Variants in RASEF observed in about 807,000 individuals in gnomAD.
The protein encoded by RASEF is ras and EF-hand domain-containing protein.
A neutral mutation model predicts 90.1 loss-of-function variants in RASEF; 68 were observed. The observed-to-expected ratio is 0.75, with a 90% CI of 0.62 to 0.92. The LOEUF is 0.92. RASEF is among the 40% of genes least tolerant of loss of function. RASEF has a pLI of 0.00. For synonymous variants in RASEF, 331 were observed against 345.2 expected, an observed-to-expected ratio of 0.96 and a Z score of 0.46; for missense variants, 949 against 937.2, an observed-to-expected ratio of 1.01 and a Z score of -0.16.
chr9:83,025,059 GC>G, intron 2 of RASEF, among the ~76,000 whole-genome samples: 1 of 152,312 alleles, frequency 6.6e-6, no homozygotes, highest in Non-Finnish European at 1.5e-5. Context: ...TTTCCAGGGG[GC>G]AAAGAGGCTG....
At chr9:83,067,368 G>A (rs147393974), upstream of RASEF, among the ~76,000 whole-genome samples, 316 of 152,256 alleles carry the variant, frequency 2.1e-3, 1 homozygote, top group South Asian at 7.1e-3. Context: ...TAGATTTTGC[G>A]AAAAGGAATG....
the RASEF span, among the ~76,000 whole-genome samples, chr9:83,111,563 T>C: frequency 6.6e-6 from 1 of 152,178 alleles, no homozygotes; most frequent in Non-Finnish European, 1.5e-5. Context: ...ATTGTGGTAA[T>C]TATTTCATAA....
At chr9:83,098,721 A>T in the RASEF span, among the ~76,000 whole-genome samples, 1 of 152,338 alleles carries the variant, frequency 6.6e-6, no homozygotes, top group African/African-American at 2.4e-5. Context: ...GTCACATCTT[A>T]CATGGCAGCA....
intron 9 of RASEF, among the ~76,000 whole-genome samples, chr9:83,003,197 T>A (rs772634463): frequency 8.5e-5 from 13 of 152,148 alleles, no homozygotes; most frequent in Non-Finnish European, 1.9e-4. Context: ...TAAAATGTTA[T>A]CTTCTTATGT....
At chr9:83,026,065 C>G in intron 1 of RASEF, 144 bp from the exon 2 acceptor site, 1 of 635,916 alleles carries the variant, frequency 1.6e-6, no homozygotes, top group Non-Finnish European at 2.6e-6. Context: ...GAAGGGAAGA[C>G]AGCAGTCAGG....
At chr9:83,193,753 T>C in the RASEF span, among the ~76,000 whole-genome samples, 2 of 152,138 alleles carry the variant, frequency 1.3e-5, no homozygotes, top group African/African-American at 4.8e-5. Flanking sequence ...AGGCAATAAA[T>C]GACTGAAGAC....
rs779409903 is a variant in RASEF, at chr9:83,062,562, G to C, written c.306C>G (p.Ser102Arg). 1.2e-5 allele frequency: 19 copies of C among 1,595,748 alleles called. No individual in the cohort carries two copies. In the African/African-American group the frequency reaches 2.3e-4, roughly 19 times the overall value. Residue 102 changes from serine to arginine, a missense_variant, in exon 1 of 17, where the codon AGC (serine) becomes AGG (arginine). Ser to Arg is a moderately radical substitution (Grantham distance 110). Coordinates refer to ENST00000376447, the MANE Select transcript of RASEF (RefSeq NM_152573.4). ...VSEAGPETHD[S>R]EEDEGDEDAA... ...CGTCCTCGTCGCCTTCGTCCTCCTC[G>C]CTGTCGTGTGTCTCCGGCCCCGCCT...
chr9:83,187,079 G>C, the RASEF span, among the ~76,000 whole-genome samples: 1 of 152,048 alleles, frequency 6.6e-6, no homozygotes, highest in Non-Finnish European at 1.5e-5. Context: ...ATAGCTTAGA[G>C]CCCCTCAGAT....
In RASEF at chr9:83,044,748, C is replaced by CT. The variant is rs562131191; in HGVS notation, c.431+17688dup. Among the ~76,000 whole-genome samples the CT allele has an allele frequency of 3.5e-3, 534 of 152,310 alleles. 5 individuals are homozygous for CT. The highest frequency in any genetic ancestry group is 0.012 in the African/African-American group (515 of 41,560). On this transcript the variant is annotated intron_variant, in intron 1 of 16. Coordinates refer to ENST00000376447, the MANE Select transcript of RASEF (RefSeq NM_152573.4). ...TGATGGTGAATTTTATTTATGTCAACTTGTCTAGGCCACGGTAGCCAGATA... is the reference window on the plus strand; with the variant it reads ...TGATGGTGAATTTTATTTATGTCAACTTTGTCTAGGCCACGGTAGCCAGATA...
chr9:83,172,142 CTT>C, the RASEF span, among the ~76,000 whole-genome samples: 1 of 151,496 alleles, frequency 6.6e-6, no homozygotes, highest in African/African-American at 2.4e-5. Flanking sequence ...ATTTTTATTT[CTT>C]TTTTAATTTC....
the RASEF span, among the ~76,000 whole-genome samples, chr9:83,159,910 C>T: frequency 6.6e-6 from 1 of 152,160 alleles, no homozygotes; most frequent in Non-Finnish European, 1.5e-5. Flanking sequence ...GTGAGTCTTA[C>T]AAGGTCTGAT....
At chr9:83,074,896 C>T in the RASEF span, among the ~76,000 whole-genome samples, 32 of 152,154 alleles carry the variant, frequency 2.1e-4, no homozygotes, top group Non-Finnish European at 4.0e-4. Context: ...TTTTTTAAAA[C>T]AACATAGTAA....
chr9:83,024,364 C>T (rs950090870), intron 2 of RASEF, among the ~76,000 whole-genome samples: 58 of 152,168 alleles, frequency 3.8e-4, no homozygotes, highest in African/African-American at 1.4e-3. Flanking sequence ...ATGGTATTAT[C>T]TTTAGATGGG....
intron 4 of RASEF, among the ~76,000 whole-genome samples, chr9:83,012,837 T>C (rs1323976864): frequency 6.6e-6 from 1 of 152,262 alleles, no homozygotes; most frequent in Non-Finnish European, 1.5e-5. Flanking sequence ...TGGATCTTTT[T>C]ATTCTCCTTC....
At chr9:83,134,417 C>G in the RASEF span, among the ~76,000 whole-genome samples, 1 of 147,082 alleles carries the variant, frequency 6.8e-6, no homozygotes, top group Non-Finnish European at 1.5e-5. Flanking sequence ...AGCGCACACA[C>G]ACACACACAC....
the RASEF span, among the ~76,000 whole-genome samples, chr9:83,075,189 T>C: frequency 9.9e-4 from 151 of 152,284 alleles, no homozygotes; most frequent in Admixed American, 2.0e-3. Context: ...TGCCTTACCT[T>C]CCAGCAAATT....
intron 1 of RASEF, chr9:83,048,765 T>C: frequency 1.0e-6 from 1 of 981,084 alleles, no homozygotes; most frequent in Non-Finnish European, 1.2e-6. Flanking sequence ...TTCCGTCCTA[T>C]ATAGTTCTTG....
the RASEF span, among the ~76,000 whole-genome samples, chr9:83,130,385 T>G: frequency 6.6e-6 from 1 of 152,274 alleles, no homozygotes; most frequent in East Asian, 1.9e-4. Flanking sequence ...GAACTGCACA[T>G]ATGTTAAAAG....
At chr9:83,117,651 T>A in the RASEF span, among the ~76,000 whole-genome samples, 1 of 152,318 alleles carries the variant, frequency 6.6e-6, no homozygotes, top group East Asian at 1.9e-4. Flanking sequence ...CCTGTATGTG[T>A]AGAGTGACTT....
Sources: allele counts gnomAD v4.1 joint callset (sites outside exome capture counted in the v4.1 genomes callset), GRCh38; gene constraint gnomAD v4.1.1; transcripts MANE v1.5; gene names NCBI Gene and HGNC (gene_info 2026-07-23, HGNC 2026-07-21).